Variants in CCDC149 observed in about 807,000 individuals in gnomAD.
CCDC149 encodes the protein coiled-coil domain-containing protein 149.
In CCDC149, 45 loss-of-function variants were observed where a neutral mutation model predicts 59.9. That is an observed-to-expected ratio of 0.75 (90% CI 0.59 to 0.96). The LOEUF is 0.96. Among genes scored for constraint, CCDC149 ranks in the 40% least tolerant of loss-of-function variants. The pLI is 0.00. For synonymous variants in CCDC149, 245 were observed against 260.6 expected (o/e 0.94, Z 0.58); for missense variants, 584 against 664.7 (o/e 0.88, Z 1.33).
intron 1 of CCDC149, among the ~76,000 whole-genome samples, chr4:24,948,814 T>C (rs1370695050): frequency 3.9e-5 from 6 of 152,260 alleles, no homozygotes; most frequent in Admixed American, 1.3e-4. Context: ...AATTGAATAA[T>C]GAGGGTGGGT....
chr4:24,889,844 T>A (rs4096903), intron 1 of CCDC149, among the ~76,000 whole-genome samples: 68,528 of 151,914 alleles, frequency 0.45, 15,736 homozygotes, highest in African/African-American at 0.53. Flanking sequence ...TCCTAAAAAA[T>A]ACCCTAACAC....
chr4:24,890,210 ACAGCCAG>A (rs1235687194), intron 1 of CCDC149, among the ~76,000 whole-genome samples: 2 of 152,216 alleles, frequency 1.3e-5, no homozygotes, highest in Admixed American at 1.3e-4. Context: ...AATGATATGA[ACAGCCAG>A]CAGCATTTTG....
At chr4:24,866,905 T>C (rs1413321378) in intron 3 of CCDC149, among the ~76,000 whole-genome samples, 1 of 151,690 alleles carries the variant, frequency 6.6e-6, no homozygotes, top group Non-Finnish European at 1.5e-5. Context: ...AATTCCTAGC[T>C]CAATTTCTGG....
downstream of CCDC149, among the ~76,000 whole-genome samples, chr4:24,803,620 A>G (rs1003088291): frequency 4.6e-5 from 7 of 152,230 alleles, no homozygotes; most frequent in African/African-American, 1.7e-4. The surrounding 1 kb of genome is among the most constrained non-coding windows in gnomAD (Gnocchi z 4.3). Context: ...AATGAATAGA[A>G]GGTACTTTTT....
At chr4:24,869,388 C>T (rs17555033) in intron 3 of CCDC149, among the ~76,000 whole-genome samples, 11,795 of 152,260 alleles carry the variant, frequency 0.077, 472 homozygotes, top group Middle Eastern at 0.095. Context: ...CCTGCTGTGG[C>T]TATTCCTGGG....
chr4:24,950,492 G>C (rs1171295150), intron 1 of CCDC149, among the ~76,000 whole-genome samples: 2 of 152,216 alleles, frequency 1.3e-5, no homozygotes, highest in African/African-American at 4.8e-5. Flanking sequence ...TCGGGGGTGG[G>C]AATATGGCTG....
intron 4 of CCDC149, among the ~76,000 whole-genome samples, chr4:24,845,734 G>A (rs369053678): frequency 9.2e-5 from 14 of 152,258 alleles, no homozygotes; most frequent in East Asian, 5.8e-4. Flanking sequence ...TGAATTGACC[G>A]AACCAGCCTC....
intron 1 of CCDC149, among the ~76,000 whole-genome samples, chr4:24,979,244 G>A (rs1724357339): frequency 2.0e-5 from 3 of 152,192 alleles, no homozygotes; most frequent in South Asian, 2.1e-4. Flanking sequence ...CAATCTTGGG[G>A]TGTTAACTTT....
chr4:24,853,120 T>A lies in CCDC149; in HGVS notation c.324A>T (p.Glu108Asp). The change falls in exon 4 of 13, where the codon GAA (glutamate) becomes GAT (aspartate). Residue 108 changes from glutamate to aspartate, a missense_variant. Physicochemically the swap from Glu to Asp is conservative, Grantham distance 45 (BLOSUM62 2). Transcript: ENST00000635206. ...CAAGCCTTTGCTGAAGTTCTTTAATTTCTTCTCCCAGATGTTTATTTCGGT... is the reference window on the plus strand; with the variant it reads ...CAAGCCTTTGCTGAAGTTCTTTAATATCTTCTCCCAGATGTTTATTTCGGT... The A allele has an allele frequency of 6.2e-7, 1 of 1,614,052 alleles. No individual in the cohort carries two copies.
chr4:24,888,768 C>G (rs549987632), intron 1 of CCDC149, among the ~76,000 whole-genome samples: 1 of 152,296 alleles, frequency 6.6e-6, no homozygotes, highest in East Asian at 1.9e-4. Context: ...TTCCTGCCCA[C>G]GCCTATAGTC....
chr4:24,964,274 G>A (rs769569211), intron 1 of CCDC149, among the ~76,000 whole-genome samples: 13 of 151,362 alleles, frequency 8.6e-5, no homozygotes, highest in South Asian at 4.2e-4. Flanking sequence ...CCACTGTATG[G>A]CCTCAGTAGT....
At chr4:24,864,917 T>G (rs1364289675) in intron 3 of CCDC149, among the ~76,000 whole-genome samples, 1 of 152,202 alleles carries the variant, frequency 6.6e-6, no homozygotes. Context: ...CAGGGCTGAC[T>G]GGGGAACTTG....
At chr4:24,810,277 T>G (rs1714511318) in intron 12 of CCDC149, among the ~76,000 whole-genome samples, 1 of 152,188 alleles carries the variant, frequency 6.6e-6, no homozygotes, top group South Asian at 2.1e-4. Context: ...TTCTAAGCAT[T>G]CAAAAATATT....
intron 1 of CCDC149, among the ~76,000 whole-genome samples, chr4:24,953,542 T>C (rs980082406): frequency 1.3e-5 from 2 of 152,242 alleles, no homozygotes; most frequent in Non-Finnish European, 2.9e-5. Flanking sequence ...TACCTCAACC[T>C]GATCCTTGGC....
At chr4:24,938,099 G>A in intron 1 of CCDC149, among the ~76,000 whole-genome samples, 1 of 152,072 alleles carries the variant, frequency 6.6e-6, no homozygotes, top group Non-Finnish European at 1.5e-5. Context: ...TTTAATCAGG[G>A]TGAAATTACC....
At chr4:24,824,557 T>C (rs112634577) in intron 9 of CCDC149, among the ~76,000 whole-genome samples, 3,788 of 152,286 alleles carry the variant, frequency 0.025, 131 homozygotes, top group African/African-American at 0.084. Context: ...ATCCTCCTTT[T>C]ACATGTGGAC....
chr4:24,897,506 A>C (rs1303165669), intron 1 of CCDC149, among the ~76,000 whole-genome samples: 1 of 152,166 alleles, frequency 6.6e-6, no homozygotes, highest in Non-Finnish European at 1.5e-5. Context: ...TGAAATGGAA[A>C]GGTACAAGGA....
Position 24,957,120 on chromosome 4 carries a change from A to C in CCDC149, c.-65+22949T>G, listed in dbSNP as rs374949081. Among the ~76,000 whole-genome samples, 266 of 152,372 alleles carry C rather than the reference A, an allele frequency of 1.7e-3. 1 individual carries two copies. The highest frequency in any genetic ancestry group is 3.0e-3 in the Non-Finnish European group (202 of 68,038). On this transcript the variant is annotated intron_variant, in intron 1 of 12. Transcript: ENST00000389609. ...CTCTACTCAAAACACAGCTCCTGGC[A>C]TACAACTGGGCTCTGGTAGAAACTA...
At chr4:24,917,306 G>A (rs572558259), upstream of CCDC149, among the ~76,000 whole-genome samples, 1 of 152,352 alleles carries the variant, frequency 6.6e-6, no homozygotes, top group East Asian at 1.9e-4. Context: ...AATCAGCCAG[G>A]CAGCAGGGGG....
Sources: allele counts gnomAD v4.1 joint callset (sites outside exome capture counted in the v4.1 genomes callset), GRCh38; gene constraint gnomAD v4.1.1; non-coding constraint Gnocchi (gnomAD v3.1); transcripts MANE v1.5; gene names NCBI Gene and HGNC (gene_info 2026-07-23, HGNC 2026-07-21).